The following HAVCR1 variants were observed in gnomAD, a reference collection of about 807,000 sequenced individuals.
HAVCR1 encodes the protein hepatitis A virus cellular receptor 1, also known as T cell immunoglobin domain and mucin domain protein 1.
In HAVCR1, 34 loss-of-function variants were observed where a neutral mutation model predicts 32.0. That is an observed-to-expected ratio of 1.06 (90% confidence interval 0.81 to 1.42). HAVCR1 has a LOEUF of 1.42. Among genes scored for constraint, HAVCR1 ranks in the 40% most tolerant of loss-of-function variants. The pLI, the probability that HAVCR1 is intolerant of heterozygous loss-of-function variation, is 0.00. For missense variants in HAVCR1, 420 were observed against 442.3 expected (o/e 0.95, Z 0.45); for synonymous variants, 178 against 170.3 (o/e 1.05, Z -0.35).
chr5:157,029,803 T>C lies in HAVCR1; in HGVS notation c.1025A>G (p.Asn342Ser), dbSNP rs150173323. 1 of 1,612,452 alleles carries C rather than the reference T, an allele frequency of 6.2e-7. No individual in the cohort carries two copies. Among genetic ancestry groups the C allele is most frequent in the African/African-American group, 1.3e-5 (1 of 74,892 alleles). Reference protein sequence around the residue: ...FSSLQIKALQNAVEKEVQAED... With the variant: ...FSSLQIKALQSAVEKEVQAED... ...TGCTTGGACTTCCTTTTCAACTGCA[T>C]TTTGCAAAGCTTTAATTTGAAGGCT... Residue 342 changes from asparagine (N) to serine (S), a missense_variant, in exon 9 of 9, where the codon AAT (asparagine) becomes AGT (serine). Asn to Ser is a conservative substitution (Grantham distance 46). Transcript: ENST00000523175.
chr5:157,048,687 G>A (rs1327234143), intron 5 of HAVCR1, among the ~76,000 whole-genome samples: 1 of 152,090 alleles, frequency 6.6e-6, no homozygotes, highest in Non-Finnish European at 1.5e-5. Context: ...AAAATTAGCC[G>A]GGCGTGGTGG....
At chr5:157,041,562 A>T (rs761475954) in intron 6 of HAVCR1, among the ~76,000 whole-genome samples, 1 of 152,226 alleles carries the variant, frequency 6.6e-6, no homozygotes, top group Non-Finnish European at 1.5e-5. Flanking sequence ...ATAGAAAAAC[A>T]TCAATAGACA....
rs777971381 is a variant in HAVCR1 at position 157,032,857 on chromosome 5, A to G, written c.983T>C (p.Leu328Pro). Residue 328 changes from leucine to proline, a missense_variant, in exon 8 of 9, where the codon CTA becomes CCA. By Grantham distance (98) the Leu-to-Pro change is moderately conservative (BLOSUM62 -3). Coordinates refer to ENST00000523175, the MANE Select transcript of HAVCR1 (RefSeq NM_001173393.3). ...KYFFKKEVQQ[L>P]SVSFSSLQIK... ...ATAGAAATATTTTCGAGCTTACCTT[A>G]GTTGTTGAACCTCCTTTTTGAAGAA... The G allele has an allele frequency of 1.3e-6, 2 of 1,560,204 alleles. No homozygotes were observed.
the HAVCR1 span, among the ~76,000 whole-genome samples, chr5:157,065,306 C>CAAA: frequency 2.6e-3 from 367 of 143,004 alleles, no homozygotes; most frequent in East Asian, 0.015. Context: ...GACTCCGCCT[C>CAAA]AAAAAAAAAA....
chr5:157,032,902 TG>T lies in HAVCR1; in HGVS notation c.953-16del. 2.0e-6 allele frequency: 3 copies of T among 1,532,494 alleles called. No homozygotes were observed. Among genetic ancestry groups the T allele is most frequent in the South Asian group, 1.2e-5 (1 of 84,556 alleles). 94.9% of individuals were successfully genotyped at this position (1,532,494 alleles called of 1,614,324 possible). ...GAAGAAATACTCTAAATTGAAGGGG[TG>T]GGGAGAGAGGAGTTGAAGAGAAAAC... On this transcript the variant is annotated splice_polypyrimidine_tract_variant and intron_variant, in intron 7 of 8. Coordinates refer to ENST00000523175, the MANE Select transcript of HAVCR1 (RefSeq NM_001173393.3).
chr5:157,032,858 G>T lies in HAVCR1; in HGVS notation c.982C>A (p.Leu328Ile). ...TAGAAATATTTTCGAGCTTACCTTA[G>T]TTGTTGAACCTCCTTTTTGAAGAAA... ...KYFFKKEVQQ[L>I]SVSFSSLQIK... The change falls in exon 8 of 9, where the codon CTA becomes ATA. Residue 328 changes from leucine to isoleucine, a missense_variant. By Grantham distance (5) the Leu-to-Ile change is conservative. Coordinates refer to ENST00000523175, the MANE Select transcript of HAVCR1 (RefSeq NM_001173393.3). The T allele has an allele frequency of 6.4e-7, 1 of 1,569,948 alleles. No individual in the cohort carries two copies. The highest frequency in any genetic ancestry group is 8.7e-7 in the Non-Finnish European group (1 of 1,144,178).
At chr5:157,065,856 A>G in the HAVCR1 span, among the ~76,000 whole-genome samples, 1 of 149,776 alleles carries the variant, frequency 6.7e-6, no homozygotes, top group Non-Finnish European at 1.5e-5. Context: ...CTCCGTCTCA[A>G]AAAAAAAAAT....
In HAVCR1 at chr5:157,058,920, C is replaced by A. The variant is rs62621083; in HGVS notation, c.-13+1G>T. ...GAAACAGAAGTCTGGAGCAGACTTA[C>A]GTTCAGATCCAGGCTCTGTCACTCA... On this transcript the variant is annotated splice_donor_variant, in intron 1 of 8. Transcript: ENST00000523175. LOFTEE classifies it low-confidence loss of function (5UTR_SPLICE). The A allele has an allele frequency of 1.3e-5, 2 of 152,178 alleles. No individual in the cohort carries two copies. The highest frequency in any genetic ancestry group is 6.6e-5 in the Admixed American group (1 of 15,264). The allele number at this position is 152,178 out of a possible 1,614,324, so 9.4% of individuals were successfully genotyped here.
intron 7 of HAVCR1, among the ~76,000 whole-genome samples, chr5:157,034,386 C>T (rs1361294685): frequency 1.3e-5 from 2 of 151,998 alleles, no homozygotes; most frequent in African/African-American, 4.8e-5. Flanking sequence ...AGCAGTATTG[C>T]TGCCAGCATG....
chr5:157,058,592 A>T (rs1043494260), intron 1 of HAVCR1: 1 of 152,284 alleles, frequency 6.6e-6, no homozygotes, highest in Admixed American at 6.5e-5. Context: ...AAAAGAAAAG[A>T]AAAGGAAACT....
At chr5:157,069,372 G>A in the HAVCR1 span, among the ~76,000 whole-genome samples, 11 of 152,326 alleles carry the variant, frequency 7.2e-5, no homozygotes, top group East Asian at 2.1e-3. Context: ...TTAGTTAGAA[G>A]GCGGTTTTCC....
At chr5:157,031,794 CAAAA>C (rs57821791) in intron 8 of HAVCR1, among the ~76,000 whole-genome samples, 7 of 106,534 alleles carry the variant, frequency 6.6e-5, no homozygotes, top group Admixed American at 1.9e-4. Context: ...CTGGGTGTCT[CAAAA>C]AAAAAAAAAA....
the HAVCR1 span, among the ~76,000 whole-genome samples, chr5:157,068,655 A>ATTT: frequency 3.3e-3 from 495 of 147,814 alleles, no homozygotes; most frequent in East Asian, 9.3e-3. Context: ...TTTTTTTTAC[A>ATTT]TTTTTTTTTT....
At chr5:157,044,407 AGGAAGGAAGGAAGG>A (rs1201222225) in intron 5 of HAVCR1, among the ~76,000 whole-genome samples, 1,219 of 38,634 alleles carry the variant, frequency 0.032, 82 homozygotes, top group African/African-American at 0.11. Flanking sequence ...GAAGGAAGGA[AGGAAGGAAGGAAGG>A]AGAAAGAAAG....
intron 8 of HAVCR1, among the ~76,000 whole-genome samples, 158 bp from the exon 9 acceptor site, chr5:157,029,999 A>C (rs1754078810): frequency 6.6e-6 from 1 of 152,120 alleles, no homozygotes; most frequent in Admixed American, 6.6e-5. Flanking sequence ...TGCCTTCCAG[A>C]GTTGTAAAAG....
upstream of HAVCR1, among the ~76,000 whole-genome samples, chr5:157,061,359 G>A (rs769602797): frequency 6.6e-6 from 1 of 152,004 alleles, no homozygotes; most frequent in African/African-American, 2.4e-5. Flanking sequence ...AATTTAAATT[G>A]TCACACATAG....
intron 3 of HAVCR1, 116 bp from the exon 4 acceptor site, chr5:157,052,770 C>T: frequency 1.2e-6 from 1 of 852,080 alleles, no homozygotes; most frequent in African/African-American, 1.7e-5. Context: ...GAGTTAACTT[C>T]CTGAACTGTC....
At chr5:157,049,944 A>G (rs185343125) in intron 4 of HAVCR1, among the ~76,000 whole-genome samples, 66 of 152,260 alleles carry the variant, frequency 4.3e-4, no homozygotes, top group Admixed American at 2.6e-3. Flanking sequence ...TTTATTTCCT[A>G]TCAGATATCT....
At chr5:157,044,200 T>C (rs1755084397) in intron 5 of HAVCR1, among the ~76,000 whole-genome samples, 1 of 151,552 alleles carries the variant, frequency 6.6e-6, no homozygotes, top group Non-Finnish European at 1.5e-5. Context: ...AGCGTGATGC[T>C]GCACATCTGT....
Sources: gnomAD v4.1 joint callset for allele counts (sites outside exome capture counted in the v4.1 genomes callset) on GRCh38, gnomAD v4.1.1 for gene constraint, MANE v1.5 for transcripts, NCBI Gene and HGNC (gene_info 2026-07-23, HGNC 2026-07-21) for gene names.